The following TTC29 variants were observed in gnomAD, a reference collection of about 807,000 sequenced individuals.
TTC29 encodes the protein tetratricopeptide repeat domain 29, also known as tetratricopeptide repeat protein 29.
A neutral mutation model predicts 58.1 loss-of-function variants in TTC29; 49 were observed. That is an observed-to-expected ratio of 0.84 (90% CI 0.67 to 1.07). TTC29 has a LOEUF of 1.07. TTC29 is among the 50% of genes least tolerant of loss of function. The probability of loss-of-function intolerance (pLI) is 0.00; values close to 1 mark genes in which losing one functional copy is unlikely to be tolerated. For synonymous variants in TTC29, 209 were observed against 196.8 expected, an observed-to-expected ratio of 1.06 and a Z score of -0.52; for missense variants, 582 against 555.6, an observed-to-expected ratio of 1.05 and a Z score of -0.48.
At chr4:146,917,318 T>C (rs1435230826) in intron 4 of TTC29, among the ~76,000 whole-genome samples, 1 of 149,298 alleles carries the variant, frequency 6.7e-6, no homozygotes, top group Non-Finnish European at 1.5e-5. Flanking sequence ...AATACAATCA[T>C]TTCAATGTAT....
chr4:146,728,885 A>G (rs1484359284), intron 11 of TTC29, among the ~76,000 whole-genome samples: 4 of 31,354 alleles, frequency 1.3e-4, no homozygotes, highest in Admixed American at 3.7e-4. Context: ...GTATATATAT[A>G]TGTGTGTATG....
At chr4:146,779,545 CATTA>C (rs1458822997) in intron 11 of TTC29, among the ~76,000 whole-genome samples, 4 of 152,106 alleles carry the variant, frequency 2.6e-5, no homozygotes, top group African/African-American at 7.2e-5. Context: ...ACATCTATCT[CATTA>C]ATTAAGTAAA....
chr4:146,845,671 T>C (rs1729116467), intron 8 of TTC29, among the ~76,000 whole-genome samples: 1 of 152,178 alleles, frequency 6.6e-6, no homozygotes, highest in Admixed American at 6.5e-5. Context: ...TGCAGGACTC[T>C]AGGAATCTCA....
chr4:146,900,477 G>T (rs975391972), intron 6 of TTC29, among the ~76,000 whole-genome samples: 3 of 152,130 alleles, frequency 2.0e-5, no homozygotes, highest in African/African-American at 7.2e-5. Context: ...CTCCCTGACT[G>T]CTCACATTTT....
chr4:146,909,038 C>T lies in TTC29; in HGVS notation c.388G>A (p.Ala130Thr), dbSNP rs374934562. 18 of 1,613,652 alleles carry T rather than the reference C, an allele frequency of 1.1e-5. 1 individual carries two copies. The highest frequency in any genetic ancestry group is 5.3e-5 in the African/African-American group (4 of 75,024). ...LYHYLTRAED[A>T]ERKESFEDVH... ...TCCCACCACTTACCTTTCCTCTCAG[C>T]GTCCTCAGCCCTGGTCAGGTAATGG... Residue 130 changes from alanine (A) to threonine (T), a missense_variant, in exon 5 of 13, where the codon GCT (alanine) becomes ACT (threonine). Coordinates refer to ENST00000325106, the MANE Select transcript of TTC29 (RefSeq NM_031956.4).
intron 11 of TTC29, among the ~76,000 whole-genome samples, chr4:146,729,178 A>C (rs1020389148): frequency 9.2e-5 from 14 of 152,044 alleles, no homozygotes; most frequent in African/African-American, 3.1e-4. Flanking sequence ...AATATGTGGG[A>C]GATCTTGTGC....
chr4:146,847,159 C>T lies in TTC29; in HGVS notation c.886-13262G>A, dbSNP rs1027332405. ...ACAGGAGCGACAATGACTGGAAATGCGATGCCTGCCAAGAGCTTTTATCAA... is the reference window on the plus strand; with the variant it reads ...ACAGGAGCGACAATGACTGGAAATGTGATGCCTGCCAAGAGCTTTTATCAA... On this transcript the variant is annotated intron_variant, in intron 8 of 12. Transcript: ENST00000325106. Among the ~76,000 whole-genome samples, 4 of 152,122 alleles carry T rather than the reference C, an allele frequency of 2.6e-5. No individual in the cohort carries two copies. The South Asian group carries it at 6.2e-4, about 24-fold the overall frequency.
intron 9 of TTC29, among the ~76,000 whole-genome samples, chr4:146,826,207 T>C (rs1727787093): frequency 6.6e-6 from 1 of 152,116 alleles, no homozygotes; most frequent in South Asian, 2.1e-4. Context: ...CATAGTGTCA[T>C]TGGTCTTTAT....
chr4:146,793,544 A>G (rs1221538070), intron 11 of TTC29, among the ~76,000 whole-genome samples: 2 of 152,122 alleles, frequency 1.3e-5, no homozygotes, highest in African/African-American at 2.4e-5. Flanking sequence ...CATAACTTTT[A>G]TATGTACTAA....
At chr4:146,825,552 G>A (rs1480922773) in intron 9 of TTC29, among the ~76,000 whole-genome samples, 1 of 152,202 alleles carries the variant, frequency 6.6e-6, no homozygotes, top group East Asian at 1.9e-4. Flanking sequence ...TAAGTGCCAT[G>A]TGGCACTGAG....
intron 6 of TTC29, among the ~76,000 whole-genome samples, chr4:146,891,142 A>G (rs907976633): frequency 6.6e-6 from 1 of 152,184 alleles, no homozygotes; most frequent in Non-Finnish European, 1.5e-5. Context: ...ACTCTACCCT[A>G]AACTACTAGT....
At chr4:146,934,116 G>A (rs1735564448) in intron 4 of TTC29, 1 of 152,544 alleles carries the variant, frequency 6.6e-6, no homozygotes, top group East Asian at 1.9e-4. Context: ...CAGATTTTAA[G>A]CAGGGGAATG....
At chr4:146,806,829 C>T (rs1441647659) in intron 10 of TTC29, among the ~76,000 whole-genome samples, 1 of 151,988 alleles carries the variant, frequency 6.6e-6, no homozygotes, top group Non-Finnish European at 1.5e-5. Flanking sequence ...GACGGATCAA[C>T]GAGACAGAAA....
chr4:146,921,090 T>C (rs1012740569), intron 4 of TTC29, among the ~76,000 whole-genome samples: 1 of 151,494 alleles, frequency 6.6e-6, no homozygotes, highest in African/African-American at 2.4e-5. Context: ...TGCTCTTTAA[T>C]TACCGTTGCA....
At chr4:146,756,014 C>A (rs1199319144) in intron 11 of TTC29, among the ~76,000 whole-genome samples, 1 of 152,100 alleles carries the variant, frequency 6.6e-6, no homozygotes, top group South Asian at 2.1e-4. Flanking sequence ...GTGGCTCAAG[C>A]CTGTAATCCC....
intron 4 of TTC29, among the ~76,000 whole-genome samples, chr4:146,933,720 C>G (rs1339037138): frequency 6.6e-6 from 1 of 152,096 alleles, no homozygotes; most frequent in Non-Finnish European, 1.5e-5. Context: ...TAAGGCACAA[C>G]AATAATCTAG....
intron 11 of TTC29, among the ~76,000 whole-genome samples, chr4:146,735,780 A>G (rs1744670781): frequency 6.6e-6 from 1 of 152,198 alleles, no homozygotes; most frequent in South Asian, 2.1e-4. Context: ...TTACTCTTGT[A>G]AAACTGAACA....
At chr4:146,834,663 A>G (rs1280360937) in intron 8 of TTC29, among the ~76,000 whole-genome samples, 1 of 152,198 alleles carries the variant, frequency 6.6e-6, no homozygotes, top group Non-Finnish European at 1.5e-5. Context: ...ACCTCTATGG[A>G]AATCCTTTTT....
intron 11 of TTC29, among the ~76,000 whole-genome samples, chr4:146,741,086 G>T (rs749706213): frequency 6.6e-6 from 1 of 152,188 alleles, no homozygotes; most frequent in African/African-American, 2.4e-5. Context: ...GCCTGGAAAA[G>T]TCACCCAGTA....
Sources: allele counts gnomAD v4.1 joint callset (sites outside exome capture counted in the v4.1 genomes callset), GRCh38; gene constraint gnomAD v4.1.1; transcripts MANE v1.5; gene names NCBI Gene and HGNC (gene_info 2026-07-23, HGNC 2026-07-21).